The following ARHGAP26 variants were observed in gnomAD, a reference collection of about 807,000 sequenced individuals.
ARHGAP26 encodes the protein Rho GTPase activating protein 26, also known as rho GTPase-activating protein 26.
Under a neutral mutation model 104.8 loss-of-function variants are expected in ARHGAP26, and 38 were observed. The ratio of observed to expected loss-of-function variants is 0.36; its 90% CI spans 0.28 to 0.48. ARHGAP26 has a LOEUF of 0.48. ARHGAP26 is among the 20% of genes least tolerant of loss of function. ARHGAP26 has a pLI of 0.99. For synonymous variants in ARHGAP26, 341 were observed against 340.0 expected (o/e 1.00, Z -0.03); for missense variants, 704 against 947.9 (o/e 0.74, Z 3.38).
At chr5:143,021,247 G>C (rs956160016) in intron 12 of ARHGAP26, among the ~76,000 whole-genome samples, 1 of 152,140 alleles carries the variant, frequency 6.6e-6, no homozygotes, top group Non-Finnish European at 1.5e-5. Context: ...GAATATGCTT[G>C]TTGTATTCTG....
At chr5:142,929,483 G>T (rs1667829214) in intron 10 of ARHGAP26, among the ~76,000 whole-genome samples, 1 of 152,002 alleles carries the variant, frequency 6.6e-6, no homozygotes, top group African/African-American at 2.4e-5. Context: ...GAAAGTTATT[G>T]TTTTACTCCA....
At chr5:143,079,673 T>C (rs1306932061) in intron 17 of ARHGAP26, among the ~76,000 whole-genome samples, 1 of 152,248 alleles carries the variant, frequency 6.6e-6, no homozygotes, top group Non-Finnish European at 1.5e-5. Context: ...ACTTGCTTCA[T>C]CTCAATGACT....
At chr5:143,117,280 G>A (rs1231849850) in intron 17 of ARHGAP26, among the ~76,000 whole-genome samples, 3 of 152,172 alleles carry the variant, frequency 2.0e-5, no homozygotes, top group Non-Finnish European at 4.4e-5. Context: ...CTGCTGGACC[G>A]GCTCCGCAGT....
At chr5:143,187,641 A>T (rs1392335776) in intron 20 of ARHGAP26, among the ~76,000 whole-genome samples, 1 of 152,250 alleles carries the variant, frequency 6.6e-6, no homozygotes, top group Non-Finnish European at 1.5e-5. Context: ...TCCCGACGTC[A>T]GTTTGCCTGA....
chr5:143,133,707 G>A (rs971857463), intron 18 of ARHGAP26, among the ~76,000 whole-genome samples: 5 of 152,272 alleles, frequency 3.3e-5, no homozygotes, highest in African/African-American at 9.6e-5. Context: ...ATAAAAAGAC[G>A]CTTAGTGGAA....
chr5:143,225,164 A>C lies in ARHGAP26; in HGVS notation c.*2718A>C, dbSNP rs1019815543. 1.4e-5 allele frequency: 3 copies of C among 210,426 alleles called. No individual in the cohort carries two copies. The highest frequency in any genetic ancestry group is 2.9e-5 in the Non-Finnish European group (3 of 103,694). The allele number at this position is 210,426 out of a possible 1,614,324, so 13.0% of individuals were successfully genotyped here. On this transcript the variant is annotated 3_prime_UTR_variant, in exon 23 of 23. Transcript: ENST00000645722. ...GAGAGACCAACATCATGCTTTTAAC[A>C]CATTTGATGAGGTTTTTTATTTGTG...
rs1811529456 is a variant in ARHGAP26 at position 143,224,818 on chromosome 5, A to T, written c.*2372A>T. 8.8e-6 allele frequency: 2 copies of T among 227,538 alleles called. No individual in the cohort carries two copies. The highest frequency in any genetic ancestry group is 1.1e-4 in the Admixed American group (2 of 17,590). 14.1% of individuals were successfully genotyped at this position (227,538 alleles called of 1,614,324 possible). On this transcript the variant is annotated 3_prime_UTR_variant, in exon 23 of 23. Coordinates refer to ENST00000645722, the MANE Select transcript of ARHGAP26 (RefSeq NM_001135608.3). ...GAGGAAGACTCCAGGAGGGGTATAG[A>T]TTGTGCCGTCATAGCTTTACAGGTG... is the stretch of plus-strand genomic sequence containing the variant.
intron 2 of ARHGAP26, 120 bp downstream of exon 2, chr5:142,873,615 A>C (rs1265265351): frequency 6.3e-6 from 4 of 631,990 alleles, no homozygotes; most frequent in Non-Finnish European, 1.0e-5. Flanking sequence ...AGAAGTCCTT[A>C]GTGGAAGTGG....
intron 11 of ARHGAP26, among the ~76,000 whole-genome samples, chr5:142,937,641 T>G (rs1268790562): frequency 6.6e-6 from 1 of 152,200 alleles, no homozygotes; most frequent in Non-Finnish European, 1.5e-5. Flanking sequence ...CTGGAAGTAC[T>G]ACAGATGTCC....
At chr5:143,027,713 T>C (rs1781268505) in intron 12 of ARHGAP26, among the ~76,000 whole-genome samples, 1 of 152,234 alleles carries the variant, frequency 6.6e-6, no homozygotes, top group South Asian at 2.1e-4. Flanking sequence ...GCATTCCATA[T>C]TAAGATGCAT....
At chr5:142,978,733 A>G in intron 11 of ARHGAP26, among the ~76,000 whole-genome samples, 1 of 150,936 alleles carries the variant, frequency 6.6e-6, no homozygotes, top group Non-Finnish European at 1.5e-5. Context: ...CTTTATGTCA[A>G]GAAAGGAGTT....
chr5:142,834,932 G>A (rs1468274290), intron 1 of ARHGAP26, among the ~76,000 whole-genome samples: 1 of 152,208 alleles, frequency 6.6e-6, no homozygotes, highest in African/African-American at 2.4e-5. Context: ...CTATGATCCT[G>A]TGTAGACCAA....
chr5:143,221,117 C>T (rs1330584492), intron 22 of ARHGAP26, among the ~76,000 whole-genome samples: 1 of 152,174 alleles, frequency 6.6e-6, no homozygotes, highest in Non-Finnish European at 1.5e-5. Flanking sequence ...GAACATCCCC[C>T]ACCTCTTAGT....
chr5:143,127,083 G>A (rs961731653), intron 18 of ARHGAP26, among the ~76,000 whole-genome samples: 1 of 152,120 alleles, frequency 6.6e-6, no homozygotes, highest in Admixed American at 6.6e-5. Flanking sequence ...TGTTTTAAAC[G>A]CTTACTTGCT....
At chr5:143,167,937 G>A (rs1599336823) in intron 20 of ARHGAP26, among the ~76,000 whole-genome samples, 1 of 152,142 alleles carries the variant, frequency 6.6e-6, no homozygotes, top group East Asian at 1.9e-4. Context: ...ACAGGGGATC[G>A]TGCCCTTCAC....
chr5:143,153,781 T>G (rs1008404378), intron 20 of ARHGAP26, among the ~76,000 whole-genome samples: 1 of 147,174 alleles, frequency 6.8e-6, no homozygotes, highest in African/African-American at 2.4e-5. Context: ...CGTCCTTCTG[T>G]CTTAACACAC....
intron 1 of ARHGAP26, among the ~76,000 whole-genome samples, chr5:142,784,725 C>T (rs528705949): frequency 1.3e-5 from 2 of 152,084 alleles, no homozygotes; most frequent in Non-Finnish European, 2.9e-5. Flanking sequence ...TTTTGAGATA[C>T]AATTCACACG....
intron 14 of ARHGAP26, among the ~76,000 whole-genome samples, chr5:143,053,046 A>T (rs937517048): frequency 6.6e-6 from 1 of 152,202 alleles, no homozygotes; most frequent in Non-Finnish European, 1.5e-5. Context: ...GGAGAGGCAA[A>T]TACAAGGGTT....
At chr5:143,168,165 C>T (rs1156605161) in intron 20 of ARHGAP26, among the ~76,000 whole-genome samples, 1 of 152,150 alleles carries the variant, frequency 6.6e-6, no homozygotes, top group Non-Finnish European at 1.5e-5. Flanking sequence ...TCATACAGGG[C>T]ACATGTGGGG....
Sources: allele counts gnomAD v4.1 joint callset (sites outside exome capture counted in the v4.1 genomes callset), GRCh38; gene constraint gnomAD v4.1.1; transcripts MANE v1.5; gene names NCBI Gene and HGNC (gene_info 2026-07-23, HGNC 2026-07-21).